The following SLC4A4 variants were observed in gnomAD, a reference collection of about 807,000 sequenced individuals.
The protein encoded by SLC4A4 is solute carrier family 4 member 4, also known as electrogenic sodium bicarbonate cotransporter 1.
In SLC4A4, 27 loss-of-function variants were observed where a neutral mutation model predicts 111.5. That is an observed-to-expected ratio of 0.24 (90% CI 0.18 to 0.33). The LOEUF is 0.33. SLC4A4 is among the 10% of genes least tolerant of loss of function. The probability of loss-of-function intolerance (pLI) is 1.00; values close to 1 mark genes in which losing one functional copy is unlikely to be tolerated. For missense variants in SLC4A4, 909 were observed against 1,315.5 expected (o/e 0.69, Z 4.78); for synonymous variants, 443 against 463.4 (o/e 0.96, Z 0.57).
At chr4:71,147,550 T>C (rs1180492539) in intron 2 of SLC4A4, among the ~76,000 whole-genome samples, 2 of 152,144 alleles carry the variant, frequency 1.3e-5, no homozygotes, top group Non-Finnish European at 2.9e-5. Context: ...TTTCTGCCAG[T>C]GCTCTATGAT....
At chr4:71,521,734 T>A (rs962864636) in intron 16 of SLC4A4, among the ~76,000 whole-genome samples, 2 of 152,150 alleles carry the variant, frequency 1.3e-5, no homozygotes, top group African/African-American at 4.8e-5. Flanking sequence ...CAGGTTAACT[T>A]CCTAAGGCAG....
Position 71,522,252 on chromosome 4 carries a change from G to A in SLC4A4, c.2167-9810G>A, listed in dbSNP as rs1259413066. 4.6e-5 allele frequency among the ~76,000 whole-genome samples: 7 copies of A among 152,124 alleles called. No homozygotes were observed. The East Asian group carries it at 1.3e-3, about 29-fold the overall frequency. On this transcript the variant is annotated intron_variant, in intron 16 of 25. Transcript: ENST00000264485. ...CAGAGTCTTTAGTCAAATTCTTTCA[G>A]CATCAAGACTTCCATTAGGAATATC...
chr4:71,447,669 C>G lies in SLC4A4; in HGVS notation c.989C>G (p.Pro330Arg). Residue 330 changes from proline (P) to arginine (R), a missense_variant, in exon 9 of 26, where the codon CCT becomes CGT. Pro to Arg is a moderately radical substitution (Grantham distance 103). Transcript: ENST00000264485. ...AGGTTCTTGTTCATTCTCTTAGGTC[C>G]TAAGGGGAAAGCCAAGTCCTACCAC... is the stretch of plus-strand genomic sequence containing the variant. ...PTRFLFILLGPKGKAKSYHEI... is the reference protein window; with the variant it reads ...PTRFLFILLGRKGKAKSYHEI... 7 of 1,612,150 alleles carry G rather than the reference C, an allele frequency of 4.3e-6. No homozygotes were observed. Among genetic ancestry groups the G allele is most frequent in the Non-Finnish European group, 5.9e-6 (7 of 1,178,534 alleles).
At chr4:71,439,181 C>A (rs1216911477) in intron 7 of SLC4A4, among the ~76,000 whole-genome samples, 1 of 151,892 alleles carries the variant, frequency 6.6e-6, no homozygotes, top group Non-Finnish European at 1.5e-5. Context: ...GTAATCCCAG[C>A]ACTTTGGGAG....
chr4:71,329,297 A>G (rs1240952267), intron 3 of SLC4A4, among the ~76,000 whole-genome samples: 1 of 152,016 alleles, frequency 6.6e-6, no homozygotes, highest in Non-Finnish European at 1.5e-5. Flanking sequence ...GGCTTTAGCT[A>G]TTCTGGGTCT....
intron 12 of SLC4A4, among the ~76,000 whole-genome samples, chr4:71,464,795 T>C (rs1727162349): frequency 6.6e-6 from 1 of 152,170 alleles, no homozygotes; most frequent in Non-Finnish European, 1.5e-5. Flanking sequence ...TGTCAATCTA[T>C]GGAGAATGTT....
At chr4:71,333,966 C>A (rs1234711926) in intron 3 of SLC4A4, among the ~76,000 whole-genome samples, 1 of 152,106 alleles carries the variant, frequency 6.6e-6, no homozygotes, top group Non-Finnish European at 1.5e-5. Flanking sequence ...GAGCGAAGGC[C>A]TGGAATTGGG....
chr4:71,420,976 C>T (rs1431015681), intron 7 of SLC4A4, among the ~76,000 whole-genome samples: 8 of 147,912 alleles, frequency 5.4e-5, no homozygotes, highest in Non-Finnish European at 1.2e-4. Context: ...ATCCAATTCA[C>T]ACATAACAAT....
rs73828152 is a variant in SLC4A4 at position 71,453,212 on chromosome 4, G to A, written c.1323-283G>A. ...TGCATATTAGGACGTTTTTCTCTAGGCAATGAAACATTTTAATGTATTTAC... is the reference window on the plus strand; with the variant it reads ...TGCATATTAGGACGTTTTTCTCTAGACAATGAAACATTTTAATGTATTTAC... On this transcript the variant is annotated intron_variant, in intron 11 of 25. Coordinates refer to ENST00000264485, the MANE Select transcript of SLC4A4 (RefSeq NM_001098484.3). 7.7e-3 allele frequency among the ~76,000 whole-genome samples: 1,172 copies of A among 152,194 alleles called. 17 individuals carry two copies. Among genetic ancestry groups the A allele is most frequent in the African/African-American group, 0.025 (1,033 of 41,520 alleles).
chr4:71,377,295 C>T (rs1189448552), intron 6 of SLC4A4, among the ~76,000 whole-genome samples: 2 of 152,098 alleles, frequency 1.3e-5, no homozygotes, highest in East Asian at 3.9e-4. Flanking sequence ...AACAATAGAA[C>T]CAGATGGTTC....
intron 6 of SLC4A4, among the ~76,000 whole-genome samples, chr4:71,377,758 C>G (rs1732541940): frequency 6.6e-6 from 1 of 152,090 alleles, no homozygotes; most frequent in Non-Finnish European, 1.5e-5. Flanking sequence ...CACAAGCTGC[C>G]TCGTAAAGTT....
chr4:71,236,487 CAGG>C (rs1192100460), intron 1 of SLC4A4, 86 bp from the exon 2 acceptor site: 1 of 1,180,936 alleles, frequency 8.5e-7, no homozygotes, highest in Non-Finnish European at 1.2e-6. Context: ...CAACAGCTTG[CAGG>C]TTAACCTGCC....
chr4:71,103,316 A>G (rs1468295649), intron 2 of SLC4A4, among the ~76,000 whole-genome samples: 1 of 152,172 alleles, frequency 6.6e-6, no homozygotes, highest in Non-Finnish European at 1.5e-5. Flanking sequence ...CCGCACATTA[A>G]TAATGGGAGA....
chr4:71,414,602 T>G (rs1433111773), intron 7 of SLC4A4, among the ~76,000 whole-genome samples: 1 of 152,242 alleles, frequency 6.6e-6, no homozygotes, highest in Non-Finnish European at 1.5e-5. Context: ...TTTTTATTAG[T>G]TACCCCAACT....
Position 71,517,781 on chromosome 4 carries a change from G to A in SLC4A4, c.2167-14281G>A, listed in dbSNP as rs368426264. Among the ~76,000 whole-genome samples, 30 of 152,192 alleles carry A rather than the reference G, an allele frequency of 2.0e-4. 1 individual carries two copies. The highest frequency in any genetic ancestry group is 3.2e-3 in the Middle Eastern group (1 of 316). On this transcript the variant is annotated intron_variant, in intron 16 of 25. Transcript: ENST00000264485. ...GTCTGGAAAAGTTTTTCACCAATCA[G>A]CCTGTCTAGAGATTATGGCAGGTTT...
intron 2 of SLC4A4, among the ~76,000 whole-genome samples, chr4:71,098,636 G>T (rs527821293): frequency 6.6e-6 from 1 of 152,090 alleles, no homozygotes; most frequent in African/African-American, 2.4e-5. Flanking sequence ...GAATATGAAC[G>T]CATTAAATGT....
chr4:71,544,036 A>G (rs1735294596), intron 18 of SLC4A4, among the ~76,000 whole-genome samples: 1 of 152,122 alleles, frequency 6.6e-6, no homozygotes, highest in Non-Finnish European at 1.5e-5. Flanking sequence ...TTCAGAATAC[A>G]GAGAAAAAAA....
At chr4:71,245,788 G>T (rs1032388248) in intron 2 of SLC4A4, among the ~76,000 whole-genome samples, 1 of 152,156 alleles carries the variant, frequency 6.6e-6, no homozygotes, top group Non-Finnish European at 1.5e-5. Flanking sequence ...CAGGGTCAAA[G>T]AATGGAGTGA....
Position 71,570,515 on chromosome 4 carries a change from A to T in SLC4A4, c.*2764A>T, listed in dbSNP as rs2149264877. ...GAATTTACCCATTGACTAAGAATGA[A>T]CCAGATTTGGTGGTGGTTTTGTTTC... is the stretch of plus-strand genomic sequence containing the variant. On this transcript the variant is annotated 3_prime_UTR_variant, in exon 26 of 26. Coordinates refer to ENST00000264485, the MANE Select transcript of SLC4A4 (RefSeq NM_001098484.3). 6.6e-6 allele frequency: 1 copy of T among 152,342 alleles called. No individual in the cohort carries two copies. Among genetic ancestry groups the T allele is most frequent in the East Asian group, 2.0e-4 (1 of 5,120 alleles). 9.4% of individuals were successfully genotyped at this position (152,342 alleles called of 1,614,324 possible).
Sources: gnomAD v4.1 joint callset for allele counts (sites outside exome capture counted in the v4.1 genomes callset) on GRCh38, gnomAD v4.1.1 for gene constraint, MANE v1.5 for transcripts, NCBI Gene and HGNC (gene_info 2026-07-23, HGNC 2026-07-21) for gene names.